The following BMPR1B variants were observed in gnomAD, a reference collection of about 807,000 sequenced individuals.
The protein encoded by BMPR1B is bone morphogenetic protein receptor type 1B.
A neutral mutation model predicts 59.1 loss-of-function variants in BMPR1B; 12 were observed. That is an observed-to-expected ratio of 0.20 (90% confidence interval 0.13 to 0.33). The LOEUF (loss-of-function observed/expected upper bound fraction) is 0.33, where lower values mean the gene tolerates loss of function less well. Among genes scored for constraint, BMPR1B ranks in the 10% least tolerant of loss-of-function variants. The pLI, the probability that BMPR1B is intolerant of heterozygous loss-of-function variation, is 1.00. For synonymous variants in BMPR1B, 237 were observed against 207.3 expected (o/e 1.14, Z -1.23); for missense variants, 550 against 610.9 (o/e 0.90, Z 1.05).
chr4:95,148,974 C>T (rs988544748), intron 11 of BMPR1B, 51 bp downstream of exon 11: 3 of 1,599,496 alleles, frequency 1.9e-6, no homozygotes, highest in Non-Finnish European at 2.6e-6. Context: ...TACTATAAAT[C>T]CTTTCTTTCT....
chr4:94,911,335 A>G (rs1728265682), intron 2 of BMPR1B, among the ~76,000 whole-genome samples: 1 of 152,130 alleles, frequency 6.6e-6, no homozygotes, highest in South Asian at 2.1e-4. Context: ...ATGTGGGGAG[A>G]AGTGTGCTGC....
At chr4:95,057,072 A>G (rs548623008) in intron 3 of BMPR1B, among the ~76,000 whole-genome samples, 4 of 152,284 alleles carry the variant, frequency 2.6e-5, no homozygotes, top group South Asian at 4.1e-4. Flanking sequence ...CAGAAGAACA[A>G]ACTCTGTCCA....
chr4:94,882,476 G>T (rs1438776093), intron 2 of BMPR1B, among the ~76,000 whole-genome samples: 1 of 152,176 alleles, frequency 6.6e-6, no homozygotes, highest in Non-Finnish European at 1.5e-5. Flanking sequence ...TGGTGGTGGT[G>T]TTTGGTATAG....
chr4:95,101,759 A>G (rs569847007), intron 3 of BMPR1B, among the ~76,000 whole-genome samples: 1 of 152,178 alleles, frequency 6.6e-6, no homozygotes, highest in Non-Finnish European at 1.5e-5. Context: ...CCAGAAAAAA[A>G]AATGTTGATT....
intron 1 of BMPR1B, among the ~76,000 whole-genome samples, chr4:94,842,490 A>G (rs1420027571): frequency 1.3e-5 from 2 of 152,226 alleles, no homozygotes; most frequent in Non-Finnish European, 2.9e-5. Flanking sequence ...TTTTATTTAC[A>G]AGTACATACA....
At chr4:95,072,518 ACACTTAAT>A in intron 3 of BMPR1B, among the ~76,000 whole-genome samples, 2 of 152,330 alleles carry the variant, frequency 1.3e-5, no homozygotes, top group Middle Eastern at 6.8e-3. Context: ...GTGTCAGGTA[ACACTTAAT>A]AGAGACCAGA....
At chr4:94,811,085 T>C (rs990558697) in intron 1 of BMPR1B, among the ~76,000 whole-genome samples, 2 of 152,236 alleles carry the variant, frequency 1.3e-5, no homozygotes, top group African/African-American at 4.8e-5. Flanking sequence ...CTATATTTGG[T>C]CATGATAACA....
At chr4:94,915,164 A>G (rs1371280594) in intron 2 of BMPR1B, among the ~76,000 whole-genome samples, 1 of 152,212 alleles carries the variant, frequency 6.6e-6, no homozygotes, top group Non-Finnish European at 1.5e-5. Flanking sequence ...ATTATCACAG[A>G]TTAAATCACC....
chr4:94,764,638 C>T (rs975284112), intron 1 of BMPR1B, among the ~76,000 whole-genome samples: 4 of 152,170 alleles, frequency 2.6e-5, no homozygotes. Flanking sequence ...AGTCGTACTC[C>T]CTTACCTGTT....
chr4:94,933,769 A>G (rs1026020150), intron 2 of BMPR1B, among the ~76,000 whole-genome samples: 1 of 152,156 alleles, frequency 6.6e-6, no homozygotes, highest in African/African-American at 2.4e-5. Flanking sequence ...ATTTGAGACA[A>G]TCTCAACACC....
chr4:95,109,050 T>C (rs1363462364), intron 4 of BMPR1B, among the ~76,000 whole-genome samples: 1 of 152,158 alleles, frequency 6.6e-6, no homozygotes, highest in East Asian at 1.9e-4. Flanking sequence ...TTGCATATCA[T>C]TCCTTGTTTT....
At chr4:94,842,479 C>A (rs529377061) in intron 1 of BMPR1B, among the ~76,000 whole-genome samples, 1 of 152,050 alleles carries the variant, frequency 6.6e-6, no homozygotes. Context: ...CCCTGATTCA[C>A]TTTTATTTAC....
intron 1 of BMPR1B, among the ~76,000 whole-genome samples, chr4:94,836,246 A>G (rs1270863661): frequency 6.6e-6 from 1 of 151,264 alleles, no homozygotes; most frequent in Non-Finnish European, 1.5e-5. Flanking sequence ...TTATAGCAGC[A>G]TGATTTATAG....
intron 1 of BMPR1B, among the ~76,000 whole-genome samples, chr4:94,850,125 T>G (rs1725511816): frequency 6.6e-6 from 1 of 152,064 alleles, no homozygotes; most frequent in Admixed American, 6.6e-5. Flanking sequence ...GTTGAGACAA[T>G]GGAGGGAGAT....
Position 95,032,955 on chromosome 4 carries a change from G to C in BMPR1B, c.-18+36821G>C, listed in dbSNP as rs559224211. Among the ~76,000 whole-genome samples, 32 of 152,190 alleles carry C rather than the reference G, an allele frequency of 2.1e-4. No individual in the cohort carries two copies. In the South Asian group the frequency reaches 6.4e-3, roughly 31 times the overall value. ...ACATTTCCTCCAACAGTGCACAAAGGCTCCAGTTTCTCCACATTCTTACCA... is the reference window on the plus strand; with the variant it reads ...ACATTTCCTCCAACAGTGCACAAAGCCTCCAGTTTCTCCACATTCTTACCA... On this transcript the variant is annotated intron_variant, in intron 3 of 12. Transcript: ENST00000515059.
chr4:95,152,509 TTATTTTGC>T, intron 11 of BMPR1B, 126 bp from the exon 12 acceptor site: 2 of 701,710 alleles, frequency 2.9e-6, no homozygotes, highest in Non-Finnish European at 4.3e-6. Flanking sequence ...TTTTCAAGAT[TTATTTTGC>T]TATTTTTCTG....
chr4:94,837,196 G>A (rs919505542), intron 1 of BMPR1B, among the ~76,000 whole-genome samples: 6 of 147,688 alleles, frequency 4.1e-5, no homozygotes, highest in African/African-American at 7.5e-5. Flanking sequence ...GTAGCGTGAT[G>A]CCTCCAGCTT....
intron 1 of BMPR1B, among the ~76,000 whole-genome samples, chr4:94,870,945 A>G (rs1036317334): frequency 1.3e-5 from 2 of 150,430 alleles, no homozygotes; most frequent in African/African-American, 4.9e-5. Flanking sequence ...TCTCAAGTGC[A>G]CTCTGTTTAT....
intron 2 of BMPR1B, among the ~76,000 whole-genome samples, chr4:94,932,225 A>G (rs904475922): frequency 6.6e-6 from 1 of 152,164 alleles, no homozygotes; most frequent in Non-Finnish European, 1.5e-5. Flanking sequence ...TAACCACACA[A>G]ATAGATCACA....
Sources: gnomAD v4.1 joint callset for allele counts (sites outside exome capture counted in the v4.1 genomes callset) on GRCh38, gnomAD v4.1.1 for gene constraint, MANE v1.5 for transcripts, NCBI Gene and HGNC (gene_info 2026-07-23, HGNC 2026-07-21) for gene names.